The following HERC2 variants were observed in gnomAD, a reference collection of about 807,000 sequenced individuals.
The protein encoded by HERC2 is E3 ubiquitin-protein ligase HERC2.
In HERC2, 102 loss-of-function variants were observed where a neutral mutation model predicts 537.7. The observed-to-expected ratio is 0.19, with a 90% confidence interval of 0.16 to 0.22. The LOEUF is 0.22. Ranked by LOEUF, HERC2 falls within the 10% of genes least tolerant of loss-of-function variation. HERC2 has a pLI of 1.00. For missense variants in HERC2, 4,236 were observed against 6,198.2 expected (o/e 0.68, Z 10.63); for synonymous variants, 2,224 against 2,466.2 (o/e 0.90, Z 2.91).
At position 28,265,492 on chromosome 15, in the gene HERC2, C is replaced by T. The variant is rs1048123833; in HGVS notation, c.1870+126G>A. ...GGGCCTCTTCCCCAATGCCACTGAG[C>T]CCCACACCCACTGGGCGACAGGGTG... On this transcript the variant is annotated intron_variant, in intron 14 of 92. Transcript: ENST00000261609. This position sits in a 1 kb window ranked among gnomAD's most constrained non-coding sequence, Gnocchi z 4.0. 8 of 729,666 alleles carry T rather than the reference C, an allele frequency of 1.1e-5. No individual in the cohort carries two copies. The African/African-American group carries it at 1.2e-4, about 11-fold the overall frequency. 45.2% of individuals were successfully genotyped at this position (729,666 alleles called of 1,614,324 possible).
intron 39 of HERC2, 69 bp downstream of exon 39, chr15:28,215,552 C>G: frequency 7.1e-7 from 1 of 1,408,274 alleles, no homozygotes; most frequent in Non-Finnish European, 9.8e-7. Context: ...GCCCCTGACT[C>G]TGAAGGCAGG....
chr15:28,192,397 A>G (rs573930248), intron 52 of HERC2, among the ~76,000 whole-genome samples: 3 of 152,360 alleles, frequency 2.0e-5, no homozygotes, highest in East Asian at 1.9e-4. Context: ...GCAGATTAAT[A>G]TATTTCCAAA....
At chr15:28,199,255 A>T (rs894347913) in intron 48 of HERC2, among the ~76,000 whole-genome samples, 3 of 152,234 alleles carry the variant, frequency 2.0e-5, no homozygotes, top group African/African-American at 7.2e-5. Flanking sequence ...TGTCTCAGGC[A>T]GGAAATATAC....
chr15:28,266,006 C>G lies in HERC2; in HGVS notation c.1599-32G>C, dbSNP rs748507525. 33 of 1,607,782 alleles carry G rather than the reference C, an allele frequency of 2.1e-5. No homozygotes were observed. The South Asian group carries it at 3.4e-4, about 17-fold the overall frequency. On this transcript the variant is annotated intron_variant, in intron 12 of 92. Coordinates refer to ENST00000261609, the MANE Select transcript of HERC2 (RefSeq NM_004667.6). ...GAGAAAGGGAACAAACATGAATGCC[C>G]TTCTTCTTGGTGTTATTTCTTATTA...
chr15:28,210,985 A>G lies in HERC2; in HGVS notation c.7069+17T>C. 1 of 1,199,016 alleles carries G rather than the reference A, an allele frequency of 8.3e-7. No individual in the cohort carries two copies. Among genetic ancestry groups the G allele is most frequent in the South Asian group, 1.2e-5 (1 of 82,498 alleles). 74.3% of individuals were successfully genotyped at this position (1,199,016 alleles called of 1,614,324 possible). ...CTGCCCTTCTTATAAAGATTTAAGA[A>G]CTTTTTAAAAAGACACCTGTGTGAA... On this transcript the variant is annotated intron_variant, in intron 44 of 92. Transcript: ENST00000261609.
intron 65 of HERC2, among the ~76,000 whole-genome samples, chr15:28,170,779 T>C (rs750319506): frequency 1.3e-4 from 19 of 151,322 alleles, no homozygotes; most frequent in Admixed American, 2.0e-4. Flanking sequence ...ACATCTAGAA[T>C]ATATAATGAA....
Position 28,268,244 on chromosome 15 carries a change from G to A in HERC2, c.1598+221C>T, listed in dbSNP as rs533860840. On this transcript the variant is annotated intron_variant, in intron 12 of 92. Transcript: ENST00000261609. The surrounding 1 kb of genome is among the most constrained non-coding windows in gnomAD (Gnocchi z 4.7). ...AGAAGGCTGGCCAAGGCTGCACGGGGTCAAGAAGAACAGAAAGGCCAATTC... is the reference window on the plus strand; with the variant it reads ...AGAAGGCTGGCCAAGGCTGCACGGGATCAAGAAGAACAGAAAGGCCAATTC... 6.6e-5 allele frequency among the ~76,000 whole-genome samples: 10 copies of A among 152,132 alleles called. No homozygotes were observed. Among genetic ancestry groups the A allele is most frequent in the Non-Finnish European group, 8.8e-5 (6 of 68,026 alleles).
intron 48 of HERC2, among the ~76,000 whole-genome samples, chr15:28,199,191 G>A (rs546444819): frequency 6.6e-6 from 1 of 151,990 alleles, no homozygotes; most frequent in Admixed American, 6.6e-5. Context: ...TGCATTCTAA[G>A]TATTATTTAA....
chr15:28,219,584 G>A (rs1237148652), intron 37 of HERC2, among the ~76,000 whole-genome samples: 5 of 152,198 alleles, frequency 3.3e-5, no homozygotes, highest in South Asian at 2.1e-4. Flanking sequence ...CAGAAGTGAC[G>A]TGTCAAAGAT....
Position 28,246,881 on chromosome 15 carries a change from A to T in HERC2, c.3252T>A (p.Gly1084=). ...TSDISSPELM[G]VGSLLKKYTA... Reference sequence around the variant, plus strand: ...TGTACTTCTTCAGCAAGGAACCAACACCCATTAGCTCTGGACCTTGAAGAA... The same window carrying T: ...TGTACTTCTTCAGCAAGGAACCAACTCCCATTAGCTCTGGACCTTGAAGAA... Residue 1084 remains glycine (G), a synonymous_variant, in exon 22 of 93, where the codon GGT becomes GGA. Coordinates refer to ENST00000261609, the MANE Select transcript of HERC2 (RefSeq NM_004667.6). 1.9e-6 allele frequency: 3 copies of T among 1,607,762 alleles called. No homozygotes were observed. The highest frequency in any genetic ancestry group is 2.5e-6 in the Non-Finnish European group (3 of 1,178,108).
At position 28,301,772 on chromosome 15, in the gene HERC2, T is replaced by C. The variant is rs1030043741; in HGVS notation, c.73-2256A>G. Among the ~76,000 whole-genome samples, 3 of 119,332 alleles carry C rather than the reference T, an allele frequency of 2.5e-5. No homozygotes were observed. The Admixed American group carries it at 2.6e-4, about 10-fold the overall frequency. 78.3% of individuals were successfully genotyped at this position (119,332 alleles called of 152,430 possible). On this transcript the variant is annotated intron_variant, in intron 2 of 92. Coordinates refer to ENST00000261609, the MANE Select transcript of HERC2 (RefSeq NM_004667.6). ...ATATATATATATATATATATATATA[T>C]ATATATATGGGTTATATATTCTATC...
At chr15:28,289,727 C>G (rs115246798) in intron 4 of HERC2, among the ~76,000 whole-genome samples, 1 of 152,168 alleles carries the variant, frequency 6.6e-6, no homozygotes, top group African/African-American at 2.4e-5. Context: ...CATGGACTTA[C>G]GGGACATGGC....
At chr15:28,312,685 A>G (rs1017493133) in intron 2 of HERC2, 1 of 185,476 alleles carries the variant, frequency 5.4e-6, no homozygotes, top group Non-Finnish European at 1.0e-5. Context: ...TTCCATTTGT[A>G]AAGTGAGAGT....
In HERC2 at chr15:28,176,085, CAT is replaced by C. The variant is rs1484391494; in HGVS notation, c.9686+341_9686+342del. ...ATAAAATAAGCTTTTACAAGAAACA[CAT>C]GTTAACTTTTTCAGGATCAAAGGAT... On this transcript the variant is annotated intron_variant, in intron 63 of 92. Transcript: ENST00000261609. This position sits in a 1 kb window ranked among gnomAD's most constrained non-coding sequence, Gnocchi z 5.0. 6.6e-6 allele frequency among the ~76,000 whole-genome samples: 1 copy of C among 152,176 alleles called. No homozygotes were observed. Among genetic ancestry groups the C allele is most frequent in the Non-Finnish European group, 1.5e-5 (1 of 68,030 alleles).
chr15:28,305,771 C>T (rs1302953711), intron 2 of HERC2, among the ~76,000 whole-genome samples: 2 of 143,814 alleles, frequency 1.4e-5, no homozygotes, highest in Non-Finnish European at 3.0e-5. Flanking sequence ...ATTTTCGCAA[C>T]CTACTCATCT....
Position 28,213,903 on chromosome 15 carries a change from C to T in HERC2, c.6625G>A (p.Val2209Met). ...EVGGLMAVLA[V>M]IGGIDGRLRL... is the part of the protein sequence containing the mutation. The stretch of plus-strand genomic sequence containing the variant: ...AGGCGACCATCGATGCCTCCAATCA[C>T]AGCCAGGACTGCCATGAGGCCCCCC... The change falls in exon 42 of 93, where the codon GTG (valine) becomes ATG (methionine). Residue 2209 changes from valine (V) to methionine (M), a missense_variant. Transcript: ENST00000261609. The T allele has an allele frequency of 6.2e-7, 1 of 1,614,108 alleles. No homozygotes were observed. Among genetic ancestry groups the T allele is most frequent in the South Asian group, 1.1e-5 (1 of 91,066 alleles).
At chr15:28,197,683 G>A (rs1285213021) in intron 50 of HERC2, among the ~76,000 whole-genome samples, 1 of 152,160 alleles carries the variant, frequency 6.6e-6, no homozygotes, top group African/African-American at 2.4e-5. Flanking sequence ...ACCTGGGGGC[G>A]GAGGTTGCAG....
At position 28,122,952 on chromosome 15, in the gene HERC2, C is replaced by A. The variant is rs1433882596; in HGVS notation, c.13188+1085G>T. On this transcript the variant is annotated intron_variant, in intron 85 of 92. Coordinates refer to ENST00000261609, the MANE Select transcript of HERC2 (RefSeq NM_004667.6). The surrounding 1 kb of genome is among the most constrained non-coding windows in gnomAD (Gnocchi z 4.1). ...CCCTACAAAGAAAGGTTTTTTTCCTCTGTGCTGCCTATTATCATCACCACT... is the reference window on the plus strand; with the variant it reads ...CCCTACAAAGAAAGGTTTTTTTCCTATGTGCTGCCTATTATCATCACCACT... Among the ~76,000 whole-genome samples, 1 of 152,126 alleles carries A rather than the reference C, an allele frequency of 6.6e-6. No homozygotes were observed. The highest frequency in any genetic ancestry group is 2.4e-5 in the African/African-American group (1 of 41,436).
rs369730745 is a variant in HERC2, at chr15:28,228,204, G to A, written c.5464+14C>T. The A allele has an allele frequency of 1.5e-5, 24 of 1,609,956 alleles. 1 individual carries two copies. The Middle Eastern group carries it at 5.0e-4, about 33-fold the overall frequency. ...GACATTTTCCCAAAGGCGCTCAAGC[G>A]GGTGCAGACCTACCAATCAGGCGCA... On this transcript the variant is annotated intron_variant, in intron 35 of 92. Transcript: ENST00000261609.
Sources: gnomAD v4.1 joint callset for allele counts (sites outside exome capture counted in the v4.1 genomes callset) on GRCh38, gnomAD v4.1.1 for gene constraint, Gnocchi (gnomAD v3.1) non-coding constraint, MANE v1.5 for transcripts, NCBI Gene and HGNC (gene_info 2026-07-23, HGNC 2026-07-21) for gene names.